The following GASK1A variants were observed in gnomAD, a reference collection of about 807,000 sequenced individuals.
GASK1A encodes the protein Golgi-associated kinase 1A.
Under a neutral mutation model 41.2 loss-of-function variants are expected in GASK1A, and 40 were observed. The observed-to-expected ratio is 0.97, with a 90% CI of 0.75 to 1.27. The LOEUF is 1.27. GASK1A is among the 50% of genes most tolerant of loss of function. The probability of loss-of-function intolerance (pLI) is 0.00; values close to 1 mark genes in which losing one functional copy is unlikely to be tolerated. For missense variants in GASK1A, 678 were observed against 745.1 expected (o/e 0.91, Z 1.05); for synonymous variants, 316 against 307.1 (o/e 1.03, Z -0.30).
Position 43,032,936 on chromosome 3 carries a change from G to A in GASK1A, c.673G>A (p.Gly225Arg). The A allele has an allele frequency of 6.4e-7, 1 of 1,551,300 alleles. No homozygotes were observed. Among genetic ancestry groups the A allele is most frequent in the Non-Finnish European group, 8.7e-7 (1 of 1,146,818 alleles). ...AGCAGAGGATCCCACCTTGGCCTCA[G>A]GAGCTCATCAGTGGCCTGGCTCTGT... ...QQAEDPTLAS[G>R]AHQWPGSVEK... Residue 225 changes from glycine to arginine, a missense_variant, in exon 2 of 5, where the codon GGA (glycine) becomes AGA (arginine). Gly to Arg is a moderately radical substitution (Grantham distance 125). Transcript: ENST00000430121.
intron 1 of GASK1A, among the ~76,000 whole-genome samples, chr3:43,025,563 C>T (rs1373421126): frequency 6.6e-6 from 1 of 152,152 alleles, no homozygotes; most frequent in Non-Finnish European, 1.5e-5. Flanking sequence ...CAAAGGGCTT[C>T]AAGGGTGGTC....
intron 3 of GASK1A, chr3:43,053,915 A>C (rs1209700764): frequency 5.8e-6 from 3 of 514,514 alleles, no homozygotes; most frequent in Non-Finnish European, 1.1e-5. Flanking sequence ...AAGAGACTCC[A>C]GGGAACAACT....
rs1025664846 is a variant in GASK1A, at chr3:43,032,342, G to A, written c.79G>A (p.Ala27Thr). ...GTTCTGCCTCTTGATGATCCTATCT[G>A]CGATGGCTGTCACCCGCTTTCCCCC... ...IAFCLLMILS[A>T]MAVTRFPPQR... is the part of the protein sequence containing the mutation. Residue 27 changes from alanine (A) to threonine (T), a missense_variant, in exon 2 of 5, where the codon GCG becomes ACG. Transcript: ENST00000430121. 6.1e-5 allele frequency: 94 copies of A among 1,551,298 alleles called. 1 individual carries two copies. Among genetic ancestry groups the A allele is most frequent in the Middle Eastern group, 5.0e-4 (3 of 6,014 alleles).
At chr3:43,008,672 C>A (rs561870556) in intron 1 of GASK1A, among the ~76,000 whole-genome samples, 1 of 152,226 alleles carries the variant, frequency 6.6e-6, no homozygotes, top group Admixed American at 6.5e-5. Context: ...GGAATGCTTT[C>A]GCCCTCACCA....
chr3:43,035,990 G>T (rs1299921975), intron 2 of GASK1A, among the ~76,000 whole-genome samples: 1 of 152,224 alleles, frequency 6.6e-6, no homozygotes, highest in Non-Finnish European at 1.5e-5. Flanking sequence ...AAAAGGGGAT[G>T]CCTGTAGGGG....
chr3:42,980,518 G>T (rs1406272546), intron 1 of GASK1A, among the ~76,000 whole-genome samples: 1 of 152,180 alleles, frequency 6.6e-6, no homozygotes, highest in African/African-American at 2.4e-5. Flanking sequence ...CAAGCTCACA[G>T]AAGGCAGATC....
chr3:43,042,812 C>T (rs541010356), intron 2 of GASK1A, among the ~76,000 whole-genome samples: 2 of 152,292 alleles, frequency 1.3e-5, no homozygotes, highest in African/African-American at 2.4e-5. Context: ...CGCCGGCTTC[C>T]GAAGATGGTG....
intron 1 of GASK1A, among the ~76,000 whole-genome samples, chr3:43,031,838 G>A (rs535116775): frequency 7.1e-4 from 108 of 152,362 alleles, no homozygotes; most frequent in African/African-American, 2.2e-3. Context: ...CTGGCAAAGG[G>A]TAAGGGCATG....
At chr3:43,020,801 G>A (rs2089518334) in intron 1 of GASK1A, among the ~76,000 whole-genome samples, 1 of 152,188 alleles carries the variant, frequency 6.6e-6, no homozygotes, top group African/African-American at 2.4e-5. Flanking sequence ...AGATTTGCAA[G>A]GAGGCAAGCC....
At chr3:43,002,301 A>C (rs1279095068) in intron 1 of GASK1A, among the ~76,000 whole-genome samples, 1 of 152,158 alleles carries the variant, frequency 6.6e-6, no homozygotes, top group Non-Finnish European at 1.5e-5. Flanking sequence ...ATGGCATATC[A>C]ATTTCTTTCT....
chr3:42,982,200 G>A (rs1004662885), intron 1 of GASK1A, among the ~76,000 whole-genome samples: 2 of 152,198 alleles, frequency 1.3e-5, no homozygotes, highest in African/African-American at 4.8e-5. Flanking sequence ...TTTCTTTGCA[G>A]TGGTGGTGGG....
intron 2 of GASK1A, among the ~76,000 whole-genome samples, chr3:43,039,038 C>CT (rs58111345): frequency 0.16 from 23,168 of 142,714 alleles, 1,984 homozygotes; most frequent in South Asian, 0.36. Flanking sequence ...CCTCTTTTGA[C>CT]TTTTTTTTTT....
chr3:43,052,034 A>G (rs1343108360), intron 2 of GASK1A, among the ~76,000 whole-genome samples: 2 of 152,072 alleles, frequency 1.3e-5, no homozygotes, highest in Non-Finnish European at 2.9e-5. Context: ...CCTACCAGTC[A>G]TTGTCCTGAC....
chr3:43,040,544 A>G (rs963211717), intron 2 of GASK1A, among the ~76,000 whole-genome samples: 9 of 151,824 alleles, frequency 5.9e-5, no homozygotes, highest in African/African-American at 2.2e-4. Flanking sequence ...TAATATAGAG[A>G]GCATTTACAC....
At chr3:43,035,596 C>T (rs576190432) in intron 2 of GASK1A, among the ~76,000 whole-genome samples, 10 of 152,306 alleles carry the variant, frequency 6.6e-5, no homozygotes, top group African/African-American at 1.9e-4. Context: ...GGAGTTAGCA[C>T]ACAAGTAAAC....
rs1043223334 is a variant in GASK1A at position 43,040,343 on chromosome 3, A to G, written c.1290+6790A>G. Among the ~76,000 whole-genome samples the G allele has an allele frequency of 1.1e-4, 17 of 152,132 alleles. 1 individual carries two copies. The highest frequency in any genetic ancestry group is 9.8e-4 in the Admixed American group (15 of 15,274). ...TCTTTTCTGTTCCAGGAAAGGGTCT[A>G]TTTATATGCCAGAGTCACACTGTTT... On this transcript the variant is annotated intron_variant, in intron 2 of 4. Coordinates refer to ENST00000430121, the MANE Select transcript of GASK1A (RefSeq NM_001129908.3).
intron 1 of GASK1A, among the ~76,000 whole-genome samples, chr3:42,995,861 C>T (rs780254701): frequency 6.6e-6 from 1 of 152,206 alleles, no homozygotes; most frequent in East Asian, 1.9e-4. Flanking sequence ...ATCCCCACCC[C>T]CTCTTGATCC....
chr3:43,035,625 G>A (rs2089600362), intron 2 of GASK1A, among the ~76,000 whole-genome samples: 1 of 152,114 alleles, frequency 6.6e-6, no homozygotes, highest in African/African-American at 2.4e-5. Flanking sequence ...GTTGAATTCT[G>A]GTCTGTCCTC....
chr3:43,017,911 G>A lies in GASK1A; in HGVS notation c.4-14356G>A, dbSNP rs970298848. Among the ~76,000 whole-genome samples, 2 of 152,128 alleles carry A rather than the reference G, an allele frequency of 1.3e-5. 1 individual carries two copies. Among genetic ancestry groups the A allele is most frequent in the South Asian group, 4.1e-4 (2 of 4,822 alleles). Reference sequence around the variant, plus strand: ...AGGGCCAGGGTGAAGCCACAGGAAGGTGGGAAGTCACGGGAAGAAGTAGTG... The same window carrying A: ...AGGGCCAGGGTGAAGCCACAGGAAGATGGGAAGTCACGGGAAGAAGTAGTG... On this transcript the variant is annotated intron_variant, in intron 1 of 4. Coordinates refer to ENST00000430121, the MANE Select transcript of GASK1A (RefSeq NM_001129908.3).
Sources: gnomAD v4.1 joint callset for allele counts (sites outside exome capture counted in the v4.1 genomes callset) on GRCh38, gnomAD v4.1.1 for gene constraint, MANE v1.5 for transcripts, NCBI Gene and HGNC (gene_info 2026-07-23, HGNC 2026-07-21) for gene names.